Variants in FHIT observed in about 807,000 individuals in gnomAD.
FHIT encodes bis(5'-adenosyl)-triphosphatase.
In FHIT, 19 loss-of-function variants were observed where a neutral mutation model predicts 17.9. The ratio of observed to expected loss-of-function variants is 1.06; its 90% confidence interval spans 0.74 to 1.56. The LOEUF (loss-of-function observed/expected upper bound fraction) is 1.56, where lower values mean the gene tolerates loss of function less well. Among genes scored for constraint, FHIT ranks in the 40% most tolerant of loss-of-function variants. The pLI is 0.00. For synonymous variants in FHIT, 81 were observed against 69.7 expected (o/e 1.16, Z -0.81); for missense variants, 248 against 189.2 (o/e 1.31, Z -1.82).
At chr3:60,615,849 C>G (rs1553675680) in intron 4 of FHIT, among the ~76,000 whole-genome samples, 1 of 152,166 alleles carries the variant, frequency 6.6e-6, no homozygotes, top group Admixed American at 6.5e-5. Context: ...CTACATTTCC[C>G]AGAATACTCT....
chr3:60,520,996 C>T (rs115704241), intron 5 of FHIT, among the ~76,000 whole-genome samples: 1,823 of 152,060 alleles, frequency 0.012, 30 homozygotes, highest in African/African-American at 0.04. Flanking sequence ...ATATCAAATG[C>T]CTATAAATTT....
chr3:60,755,445 G>C (rs2042553477), intron 4 of FHIT, among the ~76,000 whole-genome samples: 1 of 152,182 alleles, frequency 6.6e-6, no homozygotes, highest in Non-Finnish European at 1.5e-5. Flanking sequence ...AACTTCAAAT[G>C]TTGGCTCACT....
At chr3:60,500,003 A>C (rs566256508) in intron 5 of FHIT, among the ~76,000 whole-genome samples, 1 of 152,308 alleles carries the variant, frequency 6.6e-6, no homozygotes, top group East Asian at 1.9e-4. Flanking sequence ...TAGGATCGTT[A>C]TCTGACTATT....
chr3:61,053,612 C>CA (rs2034107820), intron 2 of FHIT, among the ~76,000 whole-genome samples: 1 of 151,846 alleles, frequency 6.6e-6, no homozygotes, highest in East Asian at 1.9e-4. Flanking sequence ...GAGCCTAGAT[C>CA]GTGCCATTGC....
At chr3:60,046,138 G>C (rs116672689) in intron 5 of FHIT, among the ~76,000 whole-genome samples, 3 of 152,144 alleles carry the variant, frequency 2.0e-5, no homozygotes, top group African/African-American at 7.2e-5. Context: ...TGTGTAAAAC[G>C]AAAGCAAGTA....
chr3:60,187,756 G>A (rs1218618868), intron 5 of FHIT, among the ~76,000 whole-genome samples: 1 of 152,138 alleles, frequency 6.6e-6, no homozygotes, highest in East Asian at 1.9e-4. Flanking sequence ...CAAAGATGCT[G>A]ATTTAAGAAG....
chr3:59,819,629 T>C (rs1700721505), intron 8 of FHIT, among the ~76,000 whole-genome samples: 1 of 152,222 alleles, frequency 6.6e-6, no homozygotes, highest in Admixed American at 6.5e-5. Flanking sequence ...TCTGTATATT[T>C]GCACACATCT....
intron 3 of FHIT, among the ~76,000 whole-genome samples, chr3:60,964,495 C>T (rs1045071520): frequency 3.0e-4 from 45 of 152,152 alleles, no homozygotes; most frequent in African/African-American, 9.4e-4. Flanking sequence ...CTGGTTATTT[C>T]GCCCATTAGT....
At chr3:60,143,145 T>C (rs556905667) in intron 5 of FHIT, among the ~76,000 whole-genome samples, 2 of 152,154 alleles carry the variant, frequency 1.3e-5, no homozygotes, top group South Asian at 2.1e-4. Context: ...GCCGAGAACA[T>C]AAGGAACTAA....
At chr3:60,423,831 C>A (rs866055119) in intron 5 of FHIT, among the ~76,000 whole-genome samples, 1 of 152,116 alleles carries the variant, frequency 6.6e-6, no homozygotes, top group Non-Finnish European at 1.5e-5. Flanking sequence ...TAACTTCTTG[C>A]AGCAAATATT....
At chr3:59,998,337 T>C (rs948550386) in intron 7 of FHIT, among the ~76,000 whole-genome samples, 4 of 152,050 alleles carry the variant, frequency 2.6e-5, no homozygotes, top group African/African-American at 9.7e-5. Flanking sequence ...TCAGGTTAGA[T>C]CTTCACAAAA....
intron 1 of FHIT, among the ~76,000 whole-genome samples, chr3:61,238,304 C>T (rs1003964352): frequency 3.9e-5 from 6 of 152,124 alleles, no homozygotes; most frequent in Non-Finnish European, 7.4e-5. Context: ...AGAGAAATGA[C>T]TTACAATCAG....
chr3:60,576,468 G>A (rs1553657640), intron 4 of FHIT, among the ~76,000 whole-genome samples: 1 of 152,106 alleles, frequency 6.6e-6, no homozygotes, highest in African/African-American at 2.4e-5. Context: ...AACACGTAAT[G>A]ATAAAACAGT....
At chr3:60,074,862 C>T (rs1702935692) in intron 5 of FHIT, among the ~76,000 whole-genome samples, 1 of 152,054 alleles carries the variant, frequency 6.6e-6, no homozygotes, top group African/African-American at 2.4e-5. Flanking sequence ...CACTGGTGTA[C>T]ATTTGCACTA....
At chr3:60,853,212 T>C (rs1281298787) in intron 3 of FHIT, among the ~76,000 whole-genome samples, 2 of 152,150 alleles carry the variant, frequency 1.3e-5, no homozygotes, top group African/African-American at 4.8e-5. Context: ...TGATGGTGTT[T>C]CTGAAAGTTG....
intron 3 of FHIT, among the ~76,000 whole-genome samples, chr3:61,032,648 G>T (rs1388751119): frequency 1.3e-5 from 2 of 152,180 alleles, no homozygotes; most frequent in African/African-American, 4.8e-5. Flanking sequence ...CAGCTTTGGG[G>T]AAAAGAAGAT....
At chr3:60,830,214 T>C (rs1444066145) in intron 3 of FHIT, among the ~76,000 whole-genome samples, 1 of 152,144 alleles carries the variant, frequency 6.6e-6, no homozygotes, top group Non-Finnish European at 1.5e-5. Context: ...TTAACTTCTG[T>C]TTGTTTTTCT....
chr3:59,979,494 C>T (rs897114854), intron 7 of FHIT, among the ~76,000 whole-genome samples: 1 of 152,126 alleles, frequency 6.6e-6, no homozygotes, highest in Non-Finnish European at 1.5e-5. Flanking sequence ...TTTTGCAAAA[C>T]ACCAGCTATG....
intron 7 of FHIT, among the ~76,000 whole-genome samples, chr3:59,942,001 A>G (rs3796193): frequency 0.079 from 12,045 of 152,234 alleles, 636 homozygotes; most frequent in African/African-American, 0.14. Flanking sequence ...CCCATAATAC[A>G]GTCAGTAAAA....
Sources: gnomAD v4.1 joint callset for allele counts (sites outside exome capture counted in the v4.1 genomes callset) on GRCh38, gnomAD v4.1.1 for gene constraint, MANE v1.5 for transcripts, NCBI Gene and HGNC (gene_info 2026-07-23, HGNC 2026-07-21) for gene names.